The following GREB1L variants were observed in gnomAD, a reference collection of about 807,000 sequenced individuals.
GREB1L encodes the protein GREB1 like retinoic acid receptor coactivator.
GREB1L carries 17 observed loss-of-function variants against 200.8 expected under a neutral mutation model. The ratio of observed to expected loss-of-function variants is 0.08; its 90% CI spans 0.06 to 0.13. The LOEUF is 0.13. Among genes scored for constraint, GREB1L ranks in the 10% least tolerant of loss-of-function variants. GREB1L has a pLI of 1.00. For synonymous variants in GREB1L, 789 were observed against 893.0 expected, an observed-to-expected ratio of 0.88 and a Z score of 2.08; for missense variants, 1,657 against 2,367.7, an observed-to-expected ratio of 0.70 and a Z score of 6.23.
chr18:21,451,921 A>G (rs2034545193), intron 13 of GREB1L, among the ~76,000 whole-genome samples, 162 bp from the exon 14 acceptor site: 1 of 152,194 alleles, frequency 6.6e-6, no homozygotes, highest in South Asian at 2.1e-4. Flanking sequence ...TGATATAGAG[A>G]CACCAGTATA....
At chr18:21,276,893 A>G (rs138425575) in intron 1 of GREB1L, among the ~76,000 whole-genome samples, 6 of 149,318 alleles carry the variant, frequency 4.0e-5, no homozygotes, top group Non-Finnish European at 7.4e-5. Context: ...CAATTGTCCT[A>G]CACAGCTCTC....
chr18:21,448,826 C>G (rs149329652), intron 11 of GREB1L, among the ~76,000 whole-genome samples: 44 of 152,222 alleles, frequency 2.9e-4, no homozygotes, highest in African/African-American at 9.1e-4. Context: ...GAAAATCCCC[C>G]TGATTCCAGG....
At chr18:21,329,959 GT>G (rs1555628417) in intron 1 of GREB1L, among the ~76,000 whole-genome samples, 266 of 109,380 alleles carry the variant, frequency 2.4e-3, no homozygotes, top group African/African-American at 6.6e-3. Flanking sequence ...ACCCACAATG[GT>G]TTTTTTTTTG....
At chr18:21,475,166 G>C (rs2035637538) in intron 16 of GREB1L, among the ~76,000 whole-genome samples, 2 of 152,248 alleles carry the variant, frequency 1.3e-5, no homozygotes, top group Admixed American at 1.3e-4. Flanking sequence ...TCCTGGAAGG[G>C]AGATGTGCTT....
chr18:21,477,093 C>A, intron 16 of GREB1L, 71 bp from the exon 17 acceptor site: 2 of 985,230 alleles, frequency 2.0e-6, no homozygotes, highest in Non-Finnish European at 1.5e-6. Flanking sequence ...AACAGTATGT[C>A]CATGTTAGTG....
At chr18:21,482,918 C>CT (rs1339121370) in intron 17 of GREB1L, among the ~76,000 whole-genome samples, 1 of 152,126 alleles carries the variant, frequency 6.6e-6, no homozygotes, top group Non-Finnish European at 1.5e-5. Flanking sequence ...TGAAACGTAT[C>CT]TTTATAGTAA....
intron 4 of GREB1L, among the ~76,000 whole-genome samples, chr18:21,388,474 G>A (rs987988501): frequency 1.4e-5 from 2 of 140,608 alleles, no homozygotes; most frequent in Non-Finnish European, 3.1e-5. Flanking sequence ...TCCTTTTCCT[G>A]TTCCAGTATC....
chr18:21,370,650 G>A (rs1334649854), intron 2 of GREB1L, among the ~76,000 whole-genome samples: 3 of 152,180 alleles, frequency 2.0e-5, no homozygotes, highest in Admixed American at 1.3e-4. Flanking sequence ...TAGGTTAGGG[G>A]ACTTGTTCAA....
intron 7 of GREB1L, among the ~76,000 whole-genome samples, chr18:21,430,175 G>A (rs2586205): frequency 1.3e-5 from 2 of 151,990 alleles, no homozygotes; most frequent in African/African-American, 4.8e-5. Flanking sequence ...AGTCACATTC[G>A]AAGGTTTTAG....
intron 1 of GREB1L, among the ~76,000 whole-genome samples, chr18:21,304,982 CTT>C (rs755417202): frequency 4.2e-5 from 6 of 144,574 alleles, no homozygotes; most frequent in African/African-American, 5.0e-5. Context: ...CTGTGTTAAT[CTT>C]TTTTTTTTTT....
rs2038481571 is a variant in GREB1L at position 21,293,492 on chromosome 18, A to G, written c.-120+51099A>G. ...AATTATGAATTACCAGAAGAAGGCA[A>G]GGAGTTGGACTTCTTAACCAACTAA... is the stretch of plus-strand genomic sequence containing the variant. On this transcript the variant is annotated intron_variant, in intron 1 of 32. Coordinates refer to ENST00000424526, the MANE Select transcript of GREB1L (RefSeq NM_001142966.3). 2.6e-5 allele frequency among the ~76,000 whole-genome samples: 4 copies of G among 152,348 alleles called. No individual in the cohort carries two copies. The South Asian group carries it at 8.3e-4, about 32-fold the overall frequency.
chr18:21,402,499 C>CCCTTTCCTTTT (rs2041360138), intron 6 of GREB1L, among the ~76,000 whole-genome samples: 1 of 147,058 alleles, frequency 6.8e-6, no homozygotes, highest in Non-Finnish European at 1.5e-5. Context: ...CCTTTCCTTT[C>CCCTTTCCTTTT]CCTTTCCTTT....
In GREB1L at chr18:21,271,061, A is replaced by G. The variant is rs2038070070; in HGVS notation, c.-120+28668A>G. Among the ~76,000 whole-genome samples the G allele has an allele frequency of 2.6e-5, 4 of 152,340 alleles. No homozygotes were observed. The South Asian group carries it at 8.3e-4, about 32-fold the overall frequency. On this transcript the variant is annotated intron_variant, in intron 1 of 32. Coordinates refer to ENST00000424526, the MANE Select transcript of GREB1L (RefSeq NM_001142966.3). ...CCTGAACTATTAGCCAGTACATCAT[A>G]TTGATTTAAAGGAAACACATTAAGA...
chr18:21,429,267 C>T (rs953285183), intron 7 of GREB1L, among the ~76,000 whole-genome samples: 1 of 115,856 alleles, frequency 8.6e-6, no homozygotes, highest in Non-Finnish European at 1.8e-5. Context: ...CCTGTCCTCT[C>T]CTCTCCTCTC....
chr18:21,376,176 A>G (rs1164584376), intron 2 of GREB1L, among the ~76,000 whole-genome samples: 5 of 151,778 alleles, frequency 3.3e-5, no homozygotes, highest in Admixed American at 2.0e-4. Flanking sequence ...CTGGAGTGCA[A>G]TGGCGTGATC....
At chr18:21,438,432 A>C (rs2033681881) in intron 7 of GREB1L, among the ~76,000 whole-genome samples, 1 of 152,118 alleles carries the variant, frequency 6.6e-6, no homozygotes. Context: ...TGGGAAGCCA[A>C]GGTGGAAGGA....
At chr18:21,312,946 A>G (rs2038815220) in intron 1 of GREB1L, among the ~76,000 whole-genome samples, 1 of 151,988 alleles carries the variant, frequency 6.6e-6, no homozygotes, top group Non-Finnish European at 1.5e-5. Flanking sequence ...TTTTTTTCAC[A>G]TGCTTGTTGG....
At chr18:21,329,349 GT>G (rs1195751486) in intron 1 of GREB1L, among the ~76,000 whole-genome samples, 4 of 143,890 alleles carry the variant, frequency 2.8e-5, no homozygotes, top group Non-Finnish European at 4.6e-5. Flanking sequence ...AAAAAAAATT[GT>G]AATGGACCAT....
At chr18:21,453,229 T>G (rs77636466) in intron 14 of GREB1L, among the ~76,000 whole-genome samples, 1 of 152,216 alleles carries the variant, frequency 6.6e-6, no homozygotes, top group Admixed American at 6.5e-5. Context: ...TTTTGATTAG[T>G]AGTCTGTGGT....
Sources: allele counts gnomAD v4.1 joint callset (sites outside exome capture counted in the v4.1 genomes callset), GRCh38; gene constraint gnomAD v4.1.1; transcripts MANE v1.5; gene names NCBI Gene and HGNC (gene_info 2026-07-23, HGNC 2026-07-21).